CD34: variants seen among roughly 807,000 people sequenced by gnomAD.
CD34 encodes the protein CD34 molecule, also known as hematopoietic progenitor cell antigen CD34.
In CD34, 34 loss-of-function variants were observed where a neutral mutation model predicts 40.1. The observed-to-expected ratio is 0.85, with a 90% CI of 0.65 to 1.13. The LOEUF (loss-of-function observed/expected upper bound fraction) is 1.13, where lower values mean the gene tolerates loss of function less well. Ranked by LOEUF, CD34 falls within the 50% of genes most tolerant of loss-of-function variation. The pLI is 0.00. For synonymous variants in CD34, 209 were observed against 190.0 expected (o/e 1.10, Z -0.82); for missense variants, 426 against 466.9 (o/e 0.91, Z 0.81).
intron 4 of CD34, chr1:207,890,309 T>G: frequency 1.2e-6 from 1 of 861,832 alleles, no homozygotes; most frequent in Non-Finnish European, 1.4e-6. Context: ...GAGTCAGAAT[T>G]TATTCCAGCA....
intron 1 of CD34, among the ~76,000 whole-genome samples, chr1:207,909,455 C>T (rs1344452774): frequency 1.3e-5 from 2 of 152,004 alleles, no homozygotes; most frequent in African/African-American, 4.8e-5. Context: ...GTCTCCCAGG[C>T]TGGAGTGCAG....
chr1:207,902,622 A>C (rs1389110253), intron 1 of CD34, among the ~76,000 whole-genome samples: 3 of 152,150 alleles, frequency 2.0e-5, no homozygotes, highest in Non-Finnish European at 4.4e-5. Flanking sequence ...CATACTGATT[A>C]CTGGGGACCC....
At chr1:207,895,807 A>G (rs932749207) in intron 4 of CD34, among the ~76,000 whole-genome samples, 1 of 152,216 alleles carries the variant, frequency 6.6e-6, no homozygotes. Flanking sequence ...TGCAGGGGGA[A>G]AGATCGTCAT....
intron 3 of CD34, among the ~76,000 whole-genome samples, chr1:207,898,401 G>A (rs1361621409): frequency 6.6e-6 from 1 of 152,110 alleles, no homozygotes; most frequent in Non-Finnish European, 1.5e-5. Flanking sequence ...TCATGACTGA[G>A]GCCCTCATAT....
At position 207,887,508 on chromosome 1, in the gene CD34, G is replaced by C. The variant is rs990530031; in HGVS notation, c.*230C>G. 1.7e-6 allele frequency: 1 copy of C among 575,998 alleles called. No homozygotes were observed. Among genetic ancestry groups the C allele is most frequent in the Non-Finnish European group, 3.0e-6 (1 of 334,012 alleles). 35.7% of individuals were successfully genotyped at this position (575,998 alleles called of 1,614,324 possible). A position where few individuals can be genotyped will look rare whatever the true frequency, so the allele number is the denominator to read the frequency against. On this transcript the variant is annotated 3_prime_UTR_variant, in exon 8 of 8. Transcript: ENST00000310833. ...AGACCTTGGCTTTCCCCCGTCACAC[G>C]TTTACCCAAAGAAGACCAGAGTCTG...
At chr1:207,897,311 C>A (rs1408303768) in intron 4 of CD34, among the ~76,000 whole-genome samples, 182 bp downstream of exon 4, 1 of 151,836 alleles carries the variant, frequency 6.6e-6, no homozygotes, top group Non-Finnish European at 1.5e-5. Flanking sequence ...CTTTTTTGCC[C>A]ACCAGATGGG....
intron 1 of CD34, among the ~76,000 whole-genome samples, chr1:207,905,702 C>G (rs748143908): frequency 2.6e-5 from 4 of 152,196 alleles, no homozygotes; most frequent in South Asian, 4.1e-4. Flanking sequence ...TGAGTGCCAA[C>G]ATGATGCCGC....
intron 1 of CD34, among the ~76,000 whole-genome samples, chr1:207,909,601 G>T (rs1240309365): frequency 6.6e-6 from 1 of 152,052 alleles, no homozygotes; most frequent in Non-Finnish European, 1.5e-5. Context: ...TAGAGATGGG[G>T]TTTCACCATG....
chr1:207,907,762 T>C (rs1662411916), intron 1 of CD34, among the ~76,000 whole-genome samples: 1 of 152,162 alleles, frequency 6.6e-6, no homozygotes, highest in Admixed American at 6.5e-5. Context: ...GGACTAAAAG[T>C]CATAGATAAT....
chr1:207,889,972 C>T, intron 4 of CD34: 1 of 1,452,892 alleles, frequency 6.9e-7, no homozygotes. Context: ...GCAATAATAA[C>T]TAAGAGAAAA....
chr1:207,906,325 A>T lies in CD34; in HGVS notation c.79+4677T>A, dbSNP rs560625697. 4.5e-4 allele frequency among the ~76,000 whole-genome samples: 69 copies of T among 152,328 alleles called. No individual in the cohort carries two copies. In the East Asian group the frequency reaches 0.013, roughly 28 times the overall value. On this transcript the variant is annotated intron_variant, in intron 1 of 7. Coordinates refer to ENST00000310833, the MANE Select transcript of CD34 (RefSeq NM_001025109.2). Reference sequence around the variant, plus strand: ...AGAATGAAATGAGCCACTTTGGGAGACAAGTGATCCATCCATGCTTCCTGC... The same window carrying T: ...AGAATGAAATGAGCCACTTTGGGAGTCAAGTGATCCATCCATGCTTCCTGC...
rs1433058123 is a variant in CD34, at chr1:207,906,591, T to C, written c.79+4411A>G. Among the ~76,000 whole-genome samples the C allele has an allele frequency of 3.9e-5, 6 of 152,254 alleles. No homozygotes were observed. In the East Asian group the frequency reaches 1.2e-3, roughly 29 times the overall value. On this transcript the variant is annotated intron_variant, in intron 1 of 7. Coordinates refer to ENST00000310833, the MANE Select transcript of CD34 (RefSeq NM_001025109.2). ...CAGACACCATGGCTCACGCCTGTAA[T>C]CCCAACATTTTGGGAGGCCGATGTG... is the stretch of plus-strand genomic sequence containing the variant.
At chr1:207,892,605 A>G (rs1662061756) in intron 4 of CD34, among the ~76,000 whole-genome samples, 1 of 152,024 alleles carries the variant, frequency 6.6e-6, no homozygotes, top group Admixed American at 6.6e-5. Flanking sequence ...AAAGTGTCCA[A>G]TGTGGTGTTG....
At position 207,885,411 on chromosome 1, in the gene CD34, C is replaced by T. The variant is rs1661881716; in HGVS notation, c.*2327G>A. 6.6e-6 allele frequency: 1 copy of T among 152,418 alleles called. No individual in the cohort carries two copies. Among genetic ancestry groups the T allele is most frequent in the South Asian group, 2.1e-4 (1 of 4,830 alleles). 9.4% of individuals were successfully genotyped at this position (152,418 alleles called of 1,614,324 possible). On this transcript the variant is annotated 3_prime_UTR_variant, in exon 8 of 8. Coordinates refer to ENST00000310833, the MANE Select transcript of CD34 (RefSeq NM_001025109.2). ...ACACAGCCCTTCCTCCCAAAGCATA[C>T]ATACACATTCCAGCAAACTCAGGGT...
chr1:207,906,486 T>G (rs769199727), intron 1 of CD34, among the ~76,000 whole-genome samples: 1 of 152,276 alleles, frequency 6.6e-6, no homozygotes, highest in African/African-American at 2.4e-5. Flanking sequence ...GGTGTGAGTA[T>G]ATATAAACCA....
rs1661883974 is a variant in CD34, at chr1:207,885,586, A to C, written c.*2152T>G. 6.6e-6 allele frequency: 1 copy of C among 151,646 alleles called. No homozygotes were observed. The highest frequency in any genetic ancestry group is 6.6e-5 in the Admixed American group (1 of 15,196). The allele number at this position is 151,646 out of a possible 1,614,324, so 9.4% of individuals were successfully genotyped here. On this transcript the variant is annotated 3_prime_UTR_variant, in exon 8 of 8. Transcript: ENST00000310833. ...GACAGACCCTCACTGGATTACTCTC[A>C]AGGCAAGATGTGCAACTAGATGCAA... is the stretch of plus-strand genomic sequence containing the variant.
intron 1 of CD34, among the ~76,000 whole-genome samples, chr1:207,905,627 C>T (rs1662360072): frequency 6.6e-6 from 1 of 152,180 alleles, no homozygotes; most frequent in Non-Finnish European, 1.5e-5. Context: ...ATGTTATTTA[C>T]ACTGGTTGAG....
Position 207,886,368 on chromosome 1 carries a change from G to A in CD34, c.*1370C>T, listed in dbSNP as rs1226129962. ...TCCCCATGGAGGAGAATAGTTGGCAGACTTGGCTAAAGGTCCTTAGCATCC... is the reference window on the plus strand; with the variant it reads ...TCCCCATGGAGGAGAATAGTTGGCAAACTTGGCTAAAGGTCCTTAGCATCC... On this transcript the variant is annotated 3_prime_UTR_variant, in exon 8 of 8. Transcript: ENST00000310833. 6.6e-6 allele frequency: 1 copy of A among 152,184 alleles called. No homozygotes were observed. Among genetic ancestry groups the A allele is most frequent in the Non-Finnish European group, 1.5e-5 (1 of 68,064 alleles). The allele number at this position is 152,184 out of a possible 1,614,324, so 9.4% of individuals were successfully genotyped here.
chr1:207,911,073 AC>A lies in CD34; in HGVS notation c.7del (p.Val3SerfsTer21). ML[V>X]RRGARAGPRM... is the part of the protein sequence containing the mutation. ...GGGCCCTGCGCGCGCGCCCCTGCGG[AC>A]CAGCATCCTTCCCGCGCGGCTCCTA... On this transcript the variant is annotated frameshift_variant, in exon 1 of 8. Transcript: ENST00000310833. LOFTEE classifies it high-confidence loss of function. The A allele has an allele frequency of 6.3e-7, 1 of 1,583,088 alleles. No individual in the cohort carries two copies. Among genetic ancestry groups the A allele is most frequent in the Non-Finnish European group, 8.6e-7 (1 of 1,168,234 alleles).
Sources: allele counts gnomAD v4.1 joint callset (sites outside exome capture counted in the v4.1 genomes callset), GRCh38; gene constraint gnomAD v4.1.1; transcripts MANE v1.5; gene names NCBI Gene and HGNC (gene_info 2026-07-23, HGNC 2026-07-21).